KTN1: variants seen among roughly 807,000 people sequenced by gnomAD.
KTN1 encodes the protein kinectin 1.
A neutral mutation model predicts 222.5 loss-of-function variants in KTN1; 130 were observed. The ratio of observed to expected loss-of-function variants is 0.58; its 90% CI spans 0.51 to 0.68. KTN1 has a LOEUF of 0.68. Among genes scored for constraint, KTN1 ranks in the 30% least tolerant of loss-of-function variants. KTN1 has a pLI of 0.00. For synonymous variants in KTN1, 512 were observed against 496.3 expected, an observed-to-expected ratio of 1.03 and a Z score of -0.42; for missense variants, 1,508 against 1,500.4, an observed-to-expected ratio of 1.01 and a Z score of -0.08.
intron 7 of KTN1, among the ~76,000 whole-genome samples, chr14:55,632,318 C>T (rs1340167529): frequency 6.6e-6 from 1 of 152,138 alleles, no homozygotes; most frequent in Non-Finnish European, 1.5e-5. Flanking sequence ...ATATAGATTC[C>T]ATATGATAAC....
chr14:55,668,087 G>A (rs1402339667), intron 34 of KTN1: 1 of 151,912 alleles, frequency 6.6e-6, no homozygotes, highest in Admixed American at 6.6e-5. Flanking sequence ...AAACATCAGA[G>A]CATTTCTTCT....
intron 1 of KTN1, among the ~76,000 whole-genome samples, chr14:55,583,217 C>T (rs1358780568): frequency 6.6e-6 from 1 of 152,042 alleles, no homozygotes; most frequent in Non-Finnish European, 1.5e-5. Flanking sequence ...CAACTGTGTG[C>T]CGAGCTGTTG....
chr14:55,611,968 A>T, intron 1 of KTN1, 51 bp from the exon 2 acceptor site: 1 of 847,206 alleles, frequency 1.2e-6, no homozygotes, highest in South Asian at 3.2e-5. Flanking sequence ...AATTTTTATG[A>T]GACTGACAGG....
chr14:55,630,506 T>G (rs2040390129), intron 7 of KTN1, among the ~76,000 whole-genome samples: 1 of 152,202 alleles, frequency 6.6e-6, no homozygotes, highest in Admixed American at 6.5e-5. Context: ...AGGTGATAGT[T>G]CAGTGGGTAT....
chr14:55,606,862 A>G (rs1181640557), intron 1 of KTN1, among the ~76,000 whole-genome samples: 2 of 152,176 alleles, frequency 1.3e-5, no homozygotes, highest in African/African-American at 4.8e-5. Flanking sequence ...GGTATCATCT[A>G]TGAGTGTATA....
intron 1 of KTN1, 67 bp from the exon 2 acceptor site, chr14:55,611,952 G>C: frequency 2.9e-6 from 2 of 689,128 alleles, no homozygotes; most frequent in South Asian, 7.8e-5. Flanking sequence ...CAGCAGTTTT[G>C]ACTTTAATTT....
rs1437999487 is a variant in KTN1, at chr14:55,612,142, A to G, written c.94A>G (p.Thr32Ala). Reference sequence around the variant, plus strand: ...CTTCTTCTGGCTTTTCATGAAAGAAACATTATATGATGAAGTTCTTGCAAA... The same window carrying G: ...CTTCTTCTGGCTTTTCATGAAAGAAGCATTATATGATGAAGTTCTTGCAAA... ...FLFFWLFMKE[T>A]LYDEVLAKQK... The change falls in exon 2 of 44, where the codon ACA (threonine) becomes GCA (alanine). Residue 32 changes from threonine to alanine, a missense_variant. Coordinates refer to ENST00000395314, the MANE Select transcript of KTN1 (RefSeq NM_001079521.2). The G allele has an allele frequency of 6.3e-7, 1 of 1,575,748 alleles. No individual in the cohort carries two copies.
At chr14:55,583,721 C>T (rs1210974532) in intron 1 of KTN1, among the ~76,000 whole-genome samples, 2 of 152,140 alleles carry the variant, frequency 1.3e-5, no homozygotes, top group Non-Finnish European at 2.9e-5. Flanking sequence ...ATGCTGATGG[C>T]TCCCATATTT....
intron 7 of KTN1, among the ~76,000 whole-genome samples, chr14:55,630,727 T>G (rs1292717335): frequency 6.6e-6 from 1 of 152,198 alleles, no homozygotes; most frequent in African/African-American, 2.4e-5. Context: ...GTGAAGGAGT[T>G]TAAGCAACGC....
At chr14:55,662,873 A>G (rs909296395) in intron 32 of KTN1, 3 of 455,854 alleles carry the variant, frequency 6.6e-6, no homozygotes, top group African/African-American at 4.0e-5. Flanking sequence ...TAACATCTTA[A>G]CTGTGTTTTA....
At chr14:55,683,788 G>C (rs1291836550) in intron 43 of KTN1, 2 of 278,950 alleles carry the variant, frequency 7.2e-6, no homozygotes, top group African/African-American at 4.4e-5. Flanking sequence ...CCTTTTCAGT[G>C]CTACTCACTC....
At chr14:55,604,489 A>G (rs867866176) in intron 1 of KTN1, among the ~76,000 whole-genome samples, 2 of 152,166 alleles carry the variant, frequency 1.3e-5, no homozygotes, top group African/African-American at 4.8e-5. Context: ...TAATTAAAAA[A>G]AATTAAATAA....
chr14:55,601,373 T>A (rs1464718441), intron 1 of KTN1, among the ~76,000 whole-genome samples: 3 of 152,160 alleles, frequency 2.0e-5, no homozygotes, highest in African/African-American at 7.2e-5. Context: ...GGGATTCCCA[T>A]GTTGGGGAAT....
chr14:55,657,460 TTTG>T (rs2043622407), intron 29 of KTN1, among the ~76,000 whole-genome samples: 2 of 151,250 alleles, frequency 1.3e-5, no homozygotes, highest in Non-Finnish European at 2.9e-5. Flanking sequence ...TAAATAACCT[TTTG>T]TTATTATATG....
At chr14:55,606,756 G>GT (rs768667566) in intron 1 of KTN1, among the ~76,000 whole-genome samples, 24 of 152,076 alleles carry the variant, frequency 1.6e-4, no homozygotes, top group South Asian at 4.2e-4. Context: ...TTAAATTATT[G>GT]TTTCAATGTG....
chr14:55,653,092 T>G lies in KTN1; in HGVS notation c.2763+7T>G, dbSNP rs376021328. ...ACAACATAACTTGAAAGAGGTATAG[T>G]ATAAACAAATTACCAACATGTTACA... On this transcript the variant is annotated splice_region_variant and intron_variant, in intron 27 of 43. Coordinates refer to ENST00000395314, the MANE Select transcript of KTN1 (RefSeq NM_001079521.2). The G allele has an allele frequency of 5.9e-4, 892 of 1,524,116 alleles. No homozygotes were observed. The highest frequency in any genetic ancestry group is 7.8e-4 in the Non-Finnish European group (860 of 1,104,136). 94.4% of individuals were successfully genotyped at this position (1,524,116 alleles called of 1,614,324 possible). A position where few individuals can be genotyped will look rare whatever the true frequency, so the allele number is the denominator to read the frequency against.
chr14:55,675,239 C>T (rs1485203699), intron 40 of KTN1: 7 of 152,270 alleles, frequency 4.6e-5, no homozygotes, highest in South Asian at 2.1e-4. Context: ...ATTATATATT[C>T]GCATTGGAGT....
chr14:55,678,749 C>T (rs780080753), intron 42 of KTN1: 18 of 296,632 alleles, frequency 6.1e-5, no homozygotes, highest in Admixed American at 1.8e-4. Context: ...TGACCATTGC[C>T]GCCTGAGCTC....
chr14:55,581,529 TGTG>T (rs1375409133), intron 1 of KTN1, among the ~76,000 whole-genome samples: 1 of 151,152 alleles, frequency 6.6e-6, no homozygotes, highest in Admixed American at 6.6e-5. Flanking sequence ...ACTGTTAAGG[TGTG>T]TGTGTGTGTG....
Sources: gnomAD v4.1 joint callset for allele counts (sites outside exome capture counted in the v4.1 genomes callset) on GRCh38, gnomAD v4.1.1 for gene constraint, MANE v1.5 for transcripts, NCBI Gene and HGNC (gene_info 2026-07-23, HGNC 2026-07-21) for gene names.